ADAM28: variants seen among roughly 807,000 people sequenced by gnomAD.
The protein encoded by ADAM28 is ADAM metallopeptidase domain 28.
A neutral mutation model predicts 101.2 loss-of-function variants in ADAM28; 105 were observed. That is an observed-to-expected ratio of 1.04 (90% CI 0.89 to 1.22). The LOEUF (loss-of-function observed/expected upper bound fraction) is 1.22. Ranked by LOEUF, ADAM28 falls within the 50% of genes most tolerant of loss-of-function variation. The pLI is 0.00. For missense variants in ADAM28, 1,028 were observed against 945.4 expected, an observed-to-expected ratio of 1.09 and a Z score of -1.15; for synonymous variants, 322 against 310.6, an observed-to-expected ratio of 1.04 and a Z score of -0.39.
At chr8:24,294,294 T>G (rs1408535318) in intron 1 of ADAM28, 99 bp downstream of exon 1, 1 of 1,386,100 alleles carries the variant, frequency 7.2e-7, no homozygotes, top group Admixed American at 1.8e-5. Flanking sequence ...GACTTTTTTC[T>G]TTTTCTTTTT....
intron 16 of ADAM28, among the ~76,000 whole-genome samples, chr8:24,342,109 G>A (rs894543915): frequency 2.6e-5 from 4 of 152,154 alleles, no homozygotes; most frequent in African/African-American, 9.7e-5. Flanking sequence ...CACTGAAAGT[G>A]CCAGTGTATG....
At chr8:24,332,414 T>C (rs920417603) in intron 12 of ADAM28, among the ~76,000 whole-genome samples, 1 of 152,294 alleles carries the variant, frequency 6.6e-6, no homozygotes, top group African/African-American at 2.4e-5. Flanking sequence ...AGATCTTTCC[T>C]TAATATTATT....
chr8:24,317,024 G>T (rs904198483), intron 6 of ADAM28, among the ~76,000 whole-genome samples: 1 of 151,768 alleles, frequency 6.6e-6, no homozygotes, highest in South Asian at 2.1e-4. Flanking sequence ...GTATACCGAA[G>T]ACAATAAAAC....
At chr8:24,351,666 TATG>T (rs1816160832) in intron 20 of ADAM28, 1 of 461,994 alleles carries the variant, frequency 2.2e-6, no homozygotes, top group East Asian at 4.2e-5. Context: ...TGTATGTCTG[TATG>T]ATAATACATG....
At chr8:24,350,013 C>A in intron 19 of ADAM28, 41 bp downstream of exon 19, 1 of 1,560,466 alleles carries the variant, frequency 6.4e-7, no homozygotes, top group Non-Finnish European at 8.8e-7. Context: ...CTCTTTGACC[C>A]CTATTTTACT....
chr8:24,343,711 C>T, intron 18 of ADAM28, 127 bp downstream of exon 18: 1 of 805,806 alleles, frequency 1.2e-6, no homozygotes. Context: ...GATGTTGAAT[C>T]CACAATATTT....
chr8:24,305,451 CTTTTTTTTTTT>C lies in ADAM28; in HGVS notation c.151-4427_151-4417del, dbSNP rs10654023. ...GTCCAGGTAAATTTTTAAGAGGTTT[CTTTTTTTTTTT>C]TTTTTTTTTTTTTTTAAAATATGTC... On this transcript the variant is annotated intron_variant, in intron 2 of 22. Transcript: ENST00000265769. 2.1e-3 allele frequency among the ~76,000 whole-genome samples: 140 copies of C among 65,464 alleles called. 1 individual carries two copies. Among genetic ancestry groups the C allele is most frequent in the Admixed American group, 3.2e-3 (18 of 5,596 alleles). The allele number at this position is 65,464 out of a possible 152,430, so 42.9% of individuals were successfully genotyped here.
At chr8:24,353,701 T>C in intron 21 of ADAM28, 69 bp from the exon 22 acceptor site, 1 of 1,030,144 alleles carries the variant, frequency 9.7e-7, no homozygotes, top group African/African-American at 1.6e-5. Flanking sequence ...ATTAAGGAAA[T>C]AAATATAGCT....
At chr8:24,328,015 T>G (rs1372987868) in intron 10 of ADAM28, among the ~76,000 whole-genome samples, 1 of 152,054 alleles carries the variant, frequency 6.6e-6, no homozygotes, top group Non-Finnish European at 1.5e-5. Flanking sequence ...ATGACACAGT[T>G]TACGTAAGTA....
At chr8:24,334,858 A>C (rs1271766540) in intron 13 of ADAM28, among the ~76,000 whole-genome samples, 1 of 152,222 alleles carries the variant, frequency 6.6e-6, no homozygotes, top group East Asian at 1.9e-4. Flanking sequence ...AATTGATTAC[A>C]ACTGAGTTAG....
At chr8:24,304,448 T>G (rs1809271161) in intron 2 of ADAM28, among the ~76,000 whole-genome samples, 3 of 152,080 alleles carry the variant, frequency 2.0e-5, no homozygotes, top group South Asian at 2.1e-4. Flanking sequence ...CTGTATAAAT[T>G]TAGACAAACA....
At chr8:24,350,547 A>G (rs115071254) in intron 19 of ADAM28, among the ~76,000 whole-genome samples, 3,837 of 152,136 alleles carry the variant, frequency 0.025, 132 homozygotes, top group African/African-American at 0.086. Context: ...CTGACCTCAA[A>G]TGATCCACCC....
intron 1 of ADAM28, among the ~76,000 whole-genome samples, chr8:24,294,819 G>A (rs1208066282): frequency 6.6e-6 from 1 of 152,082 alleles, no homozygotes; most frequent in Non-Finnish European, 1.5e-5. Context: ...AATTTGAAAG[G>A]AGAAAAATAC....
At chr8:24,322,492 G>A (rs1812014371) in intron 8 of ADAM28, 1 of 152,012 alleles carries the variant, frequency 6.6e-6, no homozygotes, top group Admixed American at 6.6e-5. Context: ...GCGTGTGAAT[G>A]GAATTTGGAA....
In ADAM28 at chr8:24,352,002, C is replaced by T. The variant is rs997301932; in HGVS notation, c.2194C>T (p.Pro732Ser). The change falls in exon 21 of 23, where the codon CCC becomes TCC. Residue 732 changes from proline (P) to serine (S), a missense_variant. By Grantham distance (74) the Pro-to-Ser change is moderately conservative. Coordinates refer to ENST00000265769, the MANE Select transcript of ADAM28 (RefSeq NM_014265.6). The part of the protein sequence containing the change: ...VQPQEMSQMK[P>S]HVYDLPVEGN... The stretch of plus-strand genomic sequence containing the variant: ...TTCTTTTCAGATGAGTCAGATGAAG[C>T]CCCATGTGTATGATCTGCCAGTAGA... 6.2e-7 allele frequency: 1 copy of T among 1,613,600 alleles called. No homozygotes were observed.
intron 14 of ADAM28, chr8:24,335,994 C>T: frequency 9.7e-7 from 1 of 1,032,726 alleles, no homozygotes; most frequent in Non-Finnish European, 1.2e-6. Context: ...TTTCATCTGG[C>T]AACCCTACTA....
intron 18 of ADAM28, among the ~76,000 whole-genome samples, chr8:24,348,955 A>C (rs1025963019): frequency 1.3e-5 from 2 of 152,158 alleles, no homozygotes; most frequent in African/African-American, 4.8e-5. Flanking sequence ...AGAATGCTTC[A>C]CTGTTTTATT....
At chr8:24,343,298 C>T in intron 17 of ADAM28, 117 bp downstream of exon 17, 1 of 1,313,466 alleles carries the variant, frequency 7.6e-7, no homozygotes, top group Non-Finnish European at 1.1e-6. Flanking sequence ...CTAAGTTTAT[C>T]CAAGCCTTCA....
chr8:24,325,888 A>AAACAAACAAAC (rs1812523021), intron 9 of ADAM28, among the ~76,000 whole-genome samples: 1 of 136,128 alleles, frequency 7.3e-6, no homozygotes, highest in Non-Finnish European at 1.6e-5. Context: ...AAAAAAAAAA[A>AAACAAACAAAC]AAAAAAAAAA....
Sources: gnomAD v4.1 joint callset for allele counts (sites outside exome capture counted in the v4.1 genomes callset) on GRCh38, gnomAD v4.1.1 for gene constraint, MANE v1.5 for transcripts, NCBI Gene and HGNC (gene_info 2026-07-23, HGNC 2026-07-21) for gene names.